Variants in DSG2 observed in about 807,000 individuals in gnomAD.
DSG2 encodes the protein desmoglein 2, also known as desmoglein-2.
A neutral mutation model predicts 75.6 loss-of-function variants in DSG2; 45 were observed. That is an observed-to-expected ratio of 0.60 (90% CI 0.47 to 0.76). The LOEUF (loss-of-function observed/expected upper bound fraction) is 0.76. Ranked by LOEUF, DSG2 falls within the 30% of genes least tolerant of loss-of-function variation. DSG2 has a pLI of 0.00. For missense variants in DSG2, 1,267 were observed against 1,357.4 expected (o/e 0.93, Z 1.05); for synonymous variants, 429 against 483.9 (o/e 0.89, Z 1.49).
intron 12 of DSG2, among the ~76,000 whole-genome samples, chr18:31,539,313 G>C (rs1396192672): frequency 6.6e-6 from 1 of 152,220 alleles, no homozygotes; most frequent in Non-Finnish European, 1.5e-5. Context: ...GTGTGGAACA[G>C]AGCCTTGCAT....
In DSG2 at chr18:31,545,881, A is replaced by C; in HGVS notation, c.2495A>C (p.Lys832Thr). ...CGCTTCTTAGATGATTTGGGACTTA[A>C]ATTCAAGACACTAGCTGAAGTTTGC... Reference protein sequence around the residue: ...DDRFLDDLGLKFKTLAEVCLG... With the variant: ...DDRFLDDLGLTFKTLAEVCLG... The change falls in exon 15 of 15, where the codon AAA (lysine) becomes ACA (threonine). Residue 832 changes from lysine to threonine, a missense_variant. Transcript: ENST00000261590. 1 of 1,614,182 alleles carries C rather than the reference A, an allele frequency of 6.2e-7. No individual in the cohort carries two copies. The highest frequency in any genetic ancestry group is 1.1e-5 in the South Asian group (1 of 91,082).
intron 8 of DSG2, among the ~76,000 whole-genome samples, chr18:31,529,124 CAAAT>C (rs1371689359): frequency 2.0e-5 from 3 of 151,974 alleles, no homozygotes; most frequent in Admixed American, 6.6e-5. Flanking sequence ...AACAAATTAA[CAAAT>C]AAACTTACAA....
chr18:31,502,507 T>C (rs916536521), intron 1 of DSG2, among the ~76,000 whole-genome samples: 1 of 152,222 alleles, frequency 6.6e-6, no homozygotes, highest in Non-Finnish European at 1.5e-5. Flanking sequence ...CCCAGCACTT[T>C]GGGAGGCCAA....
At chr18:31,541,087 T>C (rs2073263755) in intron 12 of DSG2, 106 bp from the exon 13 acceptor site, 2 of 1,420,022 alleles carry the variant, frequency 1.4e-6, no homozygotes, top group African/African-American at 2.8e-5. Context: ...TGTAAATAAG[T>C]GAAGACAAGT....
rs1598811341 is a variant in DSG2 at position 31,522,174 on chromosome 18, T to C, written c.615T>C (p.Pro205=). Residue 205 remains proline, a synonymous_variant, in exon 6 of 15, where the codon CCT becomes CCC. Coordinates refer to ENST00000261590, the MANE Select transcript of DSG2 (RefSeq NM_001943.5). ...CCTATAGAATCGTATCTCTGGAGCC[T>C]GCTTATCCTCCAGTGTTCTACCTAA... is the stretch of plus-strand genomic sequence containing the variant. The part of the protein sequence containing the change: ...KISYRIVSLE[P]AYPPVFYLNK... 2 of 1,613,868 alleles carry C rather than the reference T, an allele frequency of 1.2e-6. No homozygotes were observed. The highest frequency in any genetic ancestry group is 8.5e-7 in the Non-Finnish European group (1 of 1,179,792).
chr18:31,500,431 A>C (rs944998159), intron 1 of DSG2, among the ~76,000 whole-genome samples: 2 of 152,134 alleles, frequency 1.3e-5, no homozygotes, highest in African/African-American at 4.8e-5. Context: ...ATCTGCTAGG[A>C]TGCATAACAA....
chr18:31,542,444 C>A, intron 13 of DSG2, 76 bp from the exon 14 acceptor site: 1 of 1,538,882 alleles, frequency 6.5e-7, no homozygotes, highest in Non-Finnish European at 9.0e-7. Context: ...GCCCACTTGA[C>A]TCAGATCCTT....
Position 31,546,043 on chromosome 18 carries a change from G to A in DSG2, c.2657G>A (p.Ser886Asn), listed in dbSNP as rs1454240099. Reference protein sequence around the residue: ...VNSENTYSSGSSFPVPKSLQE... With the variant: ...VNSENTYSSGNSFPVPKSLQE... ...TCAGAGAATACCTACTCCTCTGGCA[G>A]TAGCTTCCCAGTTCCAAAATCTTTG... Residue 886 changes from serine to asparagine, a missense_variant, in exon 15 of 15, where the codon AGT becomes AAT. Ser to Asn is a conservative substitution (Grantham distance 46). Transcript: ENST00000261590. 8.7e-6 allele frequency: 14 copies of A among 1,614,208 alleles called. No homozygotes were observed. In the East Asian group the frequency reaches 2.9e-4, roughly 33 times the overall value.
chr18:31,513,155 A>G (rs2073076040), intron 1 of DSG2, among the ~76,000 whole-genome samples: 1 of 152,242 alleles, frequency 6.6e-6, no homozygotes, highest in African/African-American at 2.4e-5. Flanking sequence ...TAAAGAAAAG[A>G]ATGTTGAATA....
intron 12 of DSG2, among the ~76,000 whole-genome samples, chr18:31,540,112 G>A (rs1338093729): frequency 5.9e-5 from 9 of 152,010 alleles, no homozygotes; most frequent in Admixed American, 5.9e-4. Context: ...ATATTACAAT[G>A]TAATAATAAT....
intron 1 of DSG2, among the ~76,000 whole-genome samples, chr18:31,499,400 A>G (rs564811088): frequency 2.4e-4 from 36 of 152,038 alleles, no homozygotes; most frequent in African/African-American, 8.7e-4. Flanking sequence ...CAAAACGGAA[A>G]AAGGCGTGAC....
chr18:31,531,702 C>T (rs16962068), intron 9 of DSG2, among the ~76,000 whole-genome samples: 4,980 of 152,280 alleles, frequency 0.033, 231 homozygotes, highest in African/African-American at 0.1. Context: ...GGGAATGAAT[C>T]TTCATTTAAA....
chr18:31,501,112 C>T (rs1460602), intron 1 of DSG2, among the ~76,000 whole-genome samples: 74,151 of 151,962 alleles, frequency 0.49, 20,612 homozygotes, highest in African/African-American at 0.78. Flanking sequence ...ATACATGATA[C>T]TGCTGCATCA....
chr18:31,514,983 C>T (rs1277745467), intron 1 of DSG2, among the ~76,000 whole-genome samples: 1 of 152,040 alleles, frequency 6.6e-6, no homozygotes, highest in Admixed American at 6.5e-5. Flanking sequence ...TTGCTAGGGC[C>T]GGTAAGATTG....
In DSG2 at chr18:31,498,297, G is replaced by A. The variant is rs1568098570; in HGVS notation, c.45+1G>A. 7.9e-7 allele frequency: 1 copy of A among 1,264,172 alleles called. No homozygotes were observed. Among genetic ancestry groups the A allele is most frequent in the Non-Finnish European group, 1.0e-6 (1 of 999,026 alleles). The allele number at this position is 1,264,172 out of a possible 1,614,324, so 78.3% of individuals were successfully genotyped here. ...CGCGTACGCCCTGCTGCTTCTCCTGGTAAGTGCCGCAAGCGGGACAGGGGA... is the reference window on the plus strand; with the variant it reads ...CGCGTACGCCCTGCTGCTTCTCCTGATAAGTGCCGCAAGCGGGACAGGGGA... On this transcript the variant is annotated splice_donor_variant, in intron 1 of 14. Coordinates refer to ENST00000261590, the MANE Select transcript of DSG2 (RefSeq NM_001943.5). LOFTEE classifies it high-confidence loss of function.
Position 31,519,957 on chromosome 18 carries a change from A to C in DSG2, c.216+20A>C, listed in dbSNP as rs762768999. On this transcript the variant is annotated intron_variant, in intron 3 of 14. Coordinates refer to ENST00000261590, the MANE Select transcript of DSG2 (RefSeq NM_001943.5). ...GCCAAGGTACCTCCTAAAGAGGAAC[A>C]TGAAATACATGCATATGACTAAAAT... 3.7e-6 allele frequency: 6 copies of C among 1,614,194 alleles called. No individual in the cohort carries two copies. The highest frequency in any genetic ancestry group is 5.1e-6 in the Non-Finnish European group (6 of 1,180,000).
chr18:31,536,157 G>A, intron 10 of DSG2, 45 bp from the exon 11 acceptor site: 1 of 1,578,056 alleles, frequency 6.3e-7, no homozygotes, highest in Non-Finnish European at 8.7e-7. Flanking sequence ...TCTGTTGTCA[G>A]CAATAGGAAC....
In DSG2 at chr18:31,520,877, A is replaced by G; in HGVS notation, c.291A>G (p.Pro97=). The G allele has an allele frequency of 6.2e-7, 1 of 1,613,852 alleles. No homozygotes were observed. The highest frequency in any genetic ancestry group is 8.5e-7 in the Non-Finnish European group (1 of 1,179,846). ...ACACTGGAAAAGGGATTACAGAGCC[A>G]CCTTTTGGTATATTTGTCTTTAACA... ...YKYTGKGITE[P]PFGIFVFNKD... is the part of the protein sequence containing the mutation. The change falls in exon 4 of 15, where the codon CCA becomes CCG. Residue 97 remains proline, a synonymous_variant. Transcript: ENST00000261590.
intron 14 of DSG2, among the ~76,000 whole-genome samples, chr18:31,544,746 T>A (rs1461554901): frequency 6.6e-6 from 1 of 152,140 alleles, no homozygotes; most frequent in East Asian, 1.9e-4. Context: ...TTACTACAGA[T>A]CTTACAGACA....
Sources: allele counts gnomAD v4.1 joint callset (sites outside exome capture counted in the v4.1 genomes callset), GRCh38; gene constraint gnomAD v4.1.1; transcripts MANE v1.5; gene names NCBI Gene and HGNC (gene_info 2026-07-23, HGNC 2026-07-21).